The following RBM26 variants were observed in gnomAD, a reference collection of about 807,000 sequenced individuals.
The protein encoded by RBM26 is RNA binding motif protein 26, also known as RNA-binding protein 26.
Under a neutral mutation model 123.6 loss-of-function variants are expected in RBM26, and 30 were observed. That is an observed-to-expected ratio of 0.24 (90% CI 0.18 to 0.33). The LOEUF is 0.33. RBM26 is among the 10% of genes least tolerant of loss of function. RBM26 has a pLI of 1.00. For missense variants in RBM26, 947 were observed against 1,203.6 expected (o/e 0.79, Z 3.15); for synonymous variants, 400 against 404.4 (o/e 0.99, Z 0.13).
chr13:79,371,627 C>T (rs76698964), intron 4 of RBM26, among the ~76,000 whole-genome samples: 2,962 of 151,846 alleles, frequency 0.02, 101 homozygotes, highest in African/African-American at 0.067. Context: ...AAAAGATAAG[C>T]AGCTAATATA....
chr13:79,400,135 G>T (rs1347738766), intron 1 of RBM26, among the ~76,000 whole-genome samples: 1 of 152,092 alleles, frequency 6.6e-6, no homozygotes, highest in Admixed American at 6.5e-5. Context: ...GACTTTAAAG[G>T]ATCTACAATA....
intron 14 of RBM26, 43 bp from the exon 15 acceptor site, chr13:79,344,837 T>G (rs748883754): frequency 6.3e-7 from 1 of 1,589,900 alleles, no homozygotes; most frequent in East Asian, 2.2e-5. Flanking sequence ...TATCAGCCGT[T>G]CATGATATCC....
At chr13:79,343,292 G>A (rs1343081495) in intron 16 of RBM26, among the ~76,000 whole-genome samples, 1 of 151,844 alleles carries the variant, frequency 6.6e-6, no homozygotes, top group African/African-American at 2.4e-5. Context: ...AAAAATGAAT[G>A]TTTAATTACT....
intron 10 of RBM26, among the ~76,000 whole-genome samples, chr13:79,358,994 C>G (rs9545082): frequency 0.5 from 76,715 of 151,978 alleles, 19,770 homozygotes; most frequent in Middle Eastern, 0.6. Context: ...TAATCACAAA[C>G]AACTAGAAAC....
intron 1 of RBM26, among the ~76,000 whole-genome samples, chr13:79,390,704 G>T (rs1018455505): frequency 2.0e-5 from 3 of 152,152 alleles, no homozygotes; most frequent in African/African-American, 7.2e-5. Context: ...ATAGTGACAA[G>T]CACACTAAAA....
At chr13:79,358,810 T>C (rs2074326027) in intron 10 of RBM26, among the ~76,000 whole-genome samples, 1 of 152,226 alleles carries the variant, frequency 6.6e-6, no homozygotes, top group African/African-American at 2.4e-5. Flanking sequence ...TAAAACTTTA[T>C]GTTTTAAATT....
chr13:79,374,895 C>T (rs781086054), intron 3 of RBM26, among the ~76,000 whole-genome samples: 9 of 151,476 alleles, frequency 5.9e-5, no homozygotes, highest in Non-Finnish European at 1.3e-4. Context: ...AGTATTATTA[C>T]ATCAATAGAT....
chr13:79,334,371 T>C lies in RBM26; in HGVS notation c.2793A>G (p.Thr931=), dbSNP rs758692423. 2.6e-6 allele frequency: 4 copies of C among 1,566,664 alleles called. No homozygotes were observed. The highest frequency in any genetic ancestry group is 2.4e-5 in the South Asian group (2 of 82,258). The change falls in exon 20 of 22, where the codon ACA becomes ACG. Residue 931 remains threonine, a synonymous_variant. Transcript: ENST00000438737. ...IDDSSLHAVI[T]FKTRAEAEAA... is the part of the protein sequence containing the mutation. Reference sequence around the variant, plus strand: ...CTTCAGCTTCTGCTCTTGTCTTGAATGTAATTACTGCATGAAGTGAGGAAT... The same window carrying C: ...CTTCAGCTTCTGCTCTTGTCTTGAACGTAATTACTGCATGAAGTGAGGAAT...
At chr13:79,316,543 C>T (rs73232528), downstream of RBM26, among the ~76,000 whole-genome samples, 3,348 of 151,810 alleles carry the variant, frequency 0.022, 50 homozygotes, top group Non-Finnish European at 0.037. Flanking sequence ...CAGTGAAGTC[C>T]TGTCTTTAAA....
In RBM26 at chr13:79,319,283, C is replaced by G. The variant is rs2067426734; in HGVS notation, c.*1338G>C. ...TTTAAATGTGATTTTTTAATATTAT[C>G]ACTATAATCTCAAGAGAGGCAGAAA... On this transcript the variant is annotated 3_prime_UTR_variant, in exon 22 of 22. Transcript: ENST00000438737. 6 of 983,036 alleles carry G rather than the reference C, an allele frequency of 6.1e-6. No individual in the cohort carries two copies. Among genetic ancestry groups the G allele is most frequent in the Admixed American group, 6.2e-5 (1 of 16,094 alleles). 60.9% of individuals were successfully genotyped at this position (983,036 alleles called of 1,614,324 possible).
intron 18 of RBM26, 22 bp downstream of exon 18, chr13:79,341,101 G>A (rs1302354341): frequency 1.4e-6 from 2 of 1,391,176 alleles, no homozygotes; most frequent in African/African-American, 1.4e-5. Flanking sequence ...TAAGCCTACT[G>A]TGTAGTTGTG....
rs2076744779 is a variant in RBM26, at chr13:79,377,444, G to C, written c.262C>G (p.Pro88Ala). The C allele has an allele frequency of 6.2e-7, 1 of 1,612,698 alleles. No individual in the cohort carries two copies. Among genetic ancestry groups the C allele is most frequent in the Admixed American group, 1.7e-5 (1 of 59,994 alleles). The change falls in exon 3 of 22, where the codon CCA becomes GCA. Residue 88 changes from proline to alanine, a missense_variant. Physicochemically the swap from Pro to Ala is conservative, Grantham distance 27 (BLOSUM62 -1). Coordinates refer to ENST00000438737, the MANE Select transcript of RBM26 (RefSeq NM_001366735.2). Reference protein sequence around the residue: ...TKSYLPPPEQPSSGSLKVEFF... With the variant: ...TKSYLPPPEQASSGSLKVEFF... The stretch of plus-strand genomic sequence containing the variant: ...TCTACCTTCAGGCTTCCTGATGATG[G>C]CTGCTCTGGAGGAGGTAGGTAACTC...
Position 79,405,845 on chromosome 13 carries a change from C to T in RBM26, c.-71G>A. 1.1e-6 allele frequency: 1 copy of T among 927,142 alleles called. No individual in the cohort carries two copies. 57.4% of individuals were successfully genotyped at this position (927,142 alleles called of 1,614,324 possible). ...CGCGGCCGCTACAGCCGCCGCTGCC[C>T]CCGCCCCCTCCTCCGCGCGCCGCCC... On this transcript the variant is annotated 5_prime_UTR_variant, in exon 1 of 22. Coordinates refer to ENST00000438737, the MANE Select transcript of RBM26 (RefSeq NM_001366735.2).
rs767143300 is a variant in RBM26, at chr13:79,342,825, T to C, written c.2266A>G (p.Ile756Val). The C allele has an allele frequency of 2.5e-6, 4 of 1,583,166 alleles. No individual in the cohort carries two copies. The Admixed American group carries it at 5.5e-5, about 22-fold the overall frequency. Reference protein sequence around the residue: ...EKHIETQKMLISKLEKNKTMK... With the variant: ...EKHIETQKMLVSKLEKNKTMK... Reference sequence around the variant, plus strand: ...GTTTTGTTTTTCTCCAGTTTTGAAATTAACATCTGCCAAATTTTTAAAAAG... The same window carrying C: ...GTTTTGTTTTTCTCCAGTTTTGAAACTAACATCTGCCAAATTTTTAAAAAG... The change falls in exon 17 of 22, where the codon ATT (isoleucine) becomes GTT (valine). Residue 756 changes from isoleucine to valine, a missense_variant. Physicochemically the swap from Ile to Val is conservative, Grantham distance 29. This residue lies in a region of RBM26 where 493 missense variants were observed against 563.1 expected (regional missense o/e 0.88). Transcript: ENST00000438737.
At chr13:79,375,853 G>A (rs989466572) in intron 3 of RBM26, among the ~76,000 whole-genome samples, 1 of 151,304 alleles carries the variant, frequency 6.6e-6, no homozygotes. Flanking sequence ...AGCATAAAAG[G>A]AGAAAAAAAG....
chr13:79,386,183 C>T (rs1000017803), intron 1 of RBM26, among the ~76,000 whole-genome samples: 2 of 151,534 alleles, frequency 1.3e-5, no homozygotes, highest in South Asian at 2.1e-4. Flanking sequence ...TTTGCAAATA[C>T]CTTTGTTTGG....
intron 1 of RBM26, among the ~76,000 whole-genome samples, chr13:79,405,049 T>C (rs893533575): frequency 6.6e-6 from 1 of 152,222 alleles, no homozygotes; most frequent in African/African-American, 2.4e-5. Context: ...TAAGACTATT[T>C]CAGCACTCTA....
At chr13:79,347,486 T>G (rs1160026067) in intron 14 of RBM26, among the ~76,000 whole-genome samples, 1 of 152,052 alleles carries the variant, frequency 6.6e-6, no homozygotes, top group Admixed American at 6.5e-5. Context: ...AAGAAGAAAA[T>G]CTATTAAAAC....
intron 14 of RBM26, among the ~76,000 whole-genome samples, chr13:79,351,064 T>C (rs971296678): frequency 2.0e-5 from 3 of 152,192 alleles, no homozygotes; most frequent in African/African-American, 7.2e-5. Context: ...ATTAGCATAA[T>C]ATATGGGTAT....
Sources: allele counts gnomAD v4.1 joint callset (sites outside exome capture counted in the v4.1 genomes callset), GRCh38; gene constraint gnomAD v4.1.1; regional missense constraint gnomAD v4.1.1; transcripts MANE v1.5; gene names NCBI Gene and HGNC (gene_info 2026-07-23, HGNC 2026-07-21).